The following L3MBTL3 variants were observed in gnomAD, a reference collection of about 807,000 sequenced individuals.
L3MBTL3 encodes lethal(3)malignant brain tumor-like protein 3.
In L3MBTL3, 27 loss-of-function variants were observed where a neutral mutation model predicts 102.3. The ratio of observed to expected loss-of-function variants is 0.26; its 90% CI spans 0.19 to 0.36. The LOEUF is 0.36. L3MBTL3 is among the 10% of genes least tolerant of loss of function. L3MBTL3 has a pLI of 1.00. For synonymous variants in L3MBTL3, 340 were observed against 320.9 expected, an observed-to-expected ratio of 1.06 and a Z score of -0.64; for missense variants, 798 against 955.3, an observed-to-expected ratio of 0.84 and a Z score of 2.17.
At position 130,139,717 on chromosome 6, in the gene L3MBTL3, C is replaced by T. The variant is rs748058838; in HGVS notation, c.2307C>T (p.Phe769=). The T allele has an allele frequency of 6.2e-7, 1 of 1,613,200 alleles. No homozygotes were observed. The highest frequency in any genetic ancestry group is 1.7e-5 in the Admixed American group (1 of 60,010). Reference sequence around the variant, plus strand: ...AAATTTTCAATTCCATCCTGATGTTCAAAGCTGCAGAGAAGAATTCTCACA... The same window carrying T: ...AAATTTTCAATTCCATCCTGATGTTTAAAGCTGCAGAGAAGAATTCTCACA... ...ALKIFNSILM[F]KAAEKNSHNE... Residue 769 remains phenylalanine (F), a synonymous_variant, in exon 23 of 23, where the codon TTC becomes TTT. Transcript: ENST00000361794.
intron 16 of L3MBTL3, among the ~76,000 whole-genome samples, chr6:130,087,564 G>C (rs1783769370): frequency 6.6e-6 from 1 of 152,092 alleles, no homozygotes; most frequent in African/African-American, 2.4e-5. Context: ...TTTCCAAAGA[G>C]CAGTTTGGCA....
At chr6:130,059,220 C>A (rs1353484133) in intron 9 of L3MBTL3, among the ~76,000 whole-genome samples, 1 of 152,182 alleles carries the variant, frequency 6.6e-6, no homozygotes, top group Non-Finnish European at 1.5e-5. Context: ...CCTGAAGTAA[C>A]CAGTGTTACC....
At chr6:130,021,043 G>C (rs1377380625) in intron 1 of L3MBTL3, among the ~76,000 whole-genome samples, 1 of 152,110 alleles carries the variant, frequency 6.6e-6, no homozygotes, top group Admixed American at 6.5e-5. Flanking sequence ...TTCCTAGAGC[G>C]TTGTTTGTGA....
chr6:130,079,175 G>A (rs1783153836), intron 14 of L3MBTL3, among the ~76,000 whole-genome samples: 1 of 152,166 alleles, frequency 6.6e-6, no homozygotes, highest in African/African-American at 2.4e-5. Context: ...CAGTGTTCAC[G>A]TTTAAGTGAG....
chr6:130,050,152 C>T (rs1781002257), intron 5 of L3MBTL3, among the ~76,000 whole-genome samples: 1 of 152,134 alleles, frequency 6.6e-6, no homozygotes, highest in South Asian at 2.1e-4. Context: ...CTAATTTTAC[C>T]CCCTTCCAAT....
chr6:130,060,508 T>G lies in L3MBTL3; in HGVS notation c.864+368T>G, dbSNP rs531600365. Among the ~76,000 whole-genome samples the G allele has an allele frequency of 4.9e-4, 75 of 152,040 alleles. 2 individuals carry two copies. The South Asian group carries it at 0.015, about 30-fold the overall frequency. Reference sequence around the variant, plus strand: ...AGTATTTCAAGGTATCTCTGTGAAATTTTTCAGGAAAAAAATGACCAAGCC... The same window carrying G: ...AGTATTTCAAGGTATCTCTGTGAAAGTTTTCAGGAAAAAAATGACCAAGCC... On this transcript the variant is annotated intron_variant, in intron 10 of 22. Transcript: ENST00000361794.
rs1422339824 is a variant in L3MBTL3, at chr6:130,018,640, G to GA, written c.-109dup. The GA allele has an allele frequency of 3.2e-3, 485 of 150,488 alleles. 2 individuals are homozygous for GA. Among genetic ancestry groups the GA allele is most frequent in the African/African-American group, 9.5e-3 (390 of 40,868 alleles). The allele number at this position is 150,488 out of a possible 1,614,324, so 9.3% of individuals were successfully genotyped here. On this transcript the variant is annotated 5_prime_UTR_variant, in exon 1 of 23. The change creates a premature stop within an existing upstream ORF in the 5' untranslated region. Coordinates refer to ENST00000361794, the MANE Select transcript of L3MBTL3 (RefSeq NM_032438.4). ...TTGTCAGGACTACTCGTGAGACGGAGAAAAAAAAAAGAGAAAATTTGGGGG... is the reference window on the plus strand; with the variant it reads ...TTGTCAGGACTACTCGTGAGACGGAGAAAAAAAAAAAGAGAAAATTTGGGGG...
rs368138858 is a variant in L3MBTL3 at position 130,056,447 on chromosome 6, C to T, written c.668-959C>T. Among the ~76,000 whole-genome samples the T allele has an allele frequency of 1.2e-4, 18 of 152,284 alleles. No individual in the cohort carries two copies. In the East Asian group the frequency reaches 2.3e-3, roughly 20 times the overall value. On this transcript the variant is annotated intron_variant, in intron 8 of 22. Coordinates refer to ENST00000361794, the MANE Select transcript of L3MBTL3 (RefSeq NM_032438.4). The stretch of plus-strand genomic sequence containing the variant: ...GCCTGCACAGTCAGTCATACTGTCC[C>T]GACAAACCAGGGCCATGAACCAGGT...
At chr6:130,073,406 A>C (rs1007538901) in intron 13 of L3MBTL3, among the ~76,000 whole-genome samples, 1 of 152,186 alleles carries the variant, frequency 6.6e-6, no homozygotes, top group Non-Finnish European at 1.5e-5. Context: ...CTAGGGCGAT[A>C]ACTGGGCTCC....
intron 19 of L3MBTL3, among the ~76,000 whole-genome samples, chr6:130,108,238 T>TTG (rs1785116586): frequency 8.2e-6 from 1 of 121,308 alleles, no homozygotes; most frequent in Admixed American, 9.0e-5. Context: ...TTTGTTTTTT[T>TTG]TTTTTTTTTT....
chr6:130,034,672 G>A (rs1779937912), intron 2 of L3MBTL3, among the ~76,000 whole-genome samples: 1 of 152,176 alleles, frequency 6.6e-6, no homozygotes, highest in African/African-American at 2.4e-5. Context: ...AAAAGAAACA[G>A]TTTTTATCAC....
At chr6:130,024,915 C>G (rs1779245679) in intron 2 of L3MBTL3, among the ~76,000 whole-genome samples, 5 of 152,112 alleles carry the variant, frequency 3.3e-5, no homozygotes, top group Admixed American at 3.3e-4. Flanking sequence ...ACATGGATTT[C>G]TGGGCTAACT....
intron 22 of L3MBTL3, among the ~76,000 whole-genome samples, chr6:130,134,718 A>G (rs2114446235): frequency 6.6e-6 from 1 of 152,350 alleles, no homozygotes; most frequent in Admixed American, 6.5e-5. Context: ...GTGCTCTCCA[A>G]CATCTGCTGT....
chr6:130,075,070 G>C (rs1782864005), intron 13 of L3MBTL3, among the ~76,000 whole-genome samples: 1 of 152,118 alleles, frequency 6.6e-6, no homozygotes, highest in Admixed American at 6.5e-5. Context: ...GGTTAAATTT[G>C]GGAAGCACTG....
chr6:130,133,432 C>T lies in L3MBTL3; in HGVS notation c.1967-20C>T. The T allele has an allele frequency of 6.2e-7, 1 of 1,611,100 alleles. No homozygotes were observed. ...TTGCTGCTTTCAGAGAGTGATTTCC[C>T]ATTTGTTTTCATTGACCAGGTGCCC... On this transcript the variant is annotated intron_variant, in intron 20 of 22. Coordinates refer to ENST00000361794, the MANE Select transcript of L3MBTL3 (RefSeq NM_032438.4). The surrounding 1 kb of genome is among the most constrained non-coding windows in gnomAD (Gnocchi z 4.9).
chr6:130,040,976 A>T (rs575885803), intron 2 of L3MBTL3, among the ~76,000 whole-genome samples: 43 of 152,354 alleles, frequency 2.8e-4, no homozygotes, highest in African/African-American at 1.0e-3. Context: ...TTGCCACTGC[A>T]CCGGCAATTT....
chr6:130,051,714 A>T (rs915399631), intron 6 of L3MBTL3, among the ~76,000 whole-genome samples: 1 of 152,208 alleles, frequency 6.6e-6, no homozygotes, highest in East Asian at 1.9e-4. Flanking sequence ...TCTGGGCTAT[A>T]TACACATTTC....
In L3MBTL3 at chr6:130,060,131, C is replaced by A. The variant is rs778244538; in HGVS notation, c.855C>A (p.Thr285=). The change falls in exon 10 of 23, where the codon ACC becomes ACA. Residue 285 remains threonine, a synonymous_variant. Transcript: ENST00000361794. ...PEHQSVYCVL[T]VAEVCGYRIK... ...ATCAGTCTGTGTACTGTGTCCTCAC[C>A]GTCGCGGAGGTAAGCTTTGCCTCGT... 1 of 1,590,336 alleles carries A rather than the reference C, an allele frequency of 6.3e-7. No homozygotes were observed. Among genetic ancestry groups the A allele is most frequent in the East Asian group, 2.3e-5 (1 of 44,212 alleles).
intron 18 of L3MBTL3, among the ~76,000 whole-genome samples, chr6:130,097,156 G>C (rs1221314292): frequency 6.6e-6 from 1 of 152,124 alleles, no homozygotes; most frequent in Non-Finnish European, 1.5e-5. Context: ...TTTCTGGCCG[G>C]GTATTAATCC....
Sources: gnomAD v4.1 joint callset for allele counts (sites outside exome capture counted in the v4.1 genomes callset) on GRCh38, gnomAD v4.1.1 for gene constraint, Gnocchi (gnomAD v3.1) non-coding constraint, MANE v1.5 for transcripts, NCBI Gene and HGNC (gene_info 2026-07-23, HGNC 2026-07-21) for gene names.